Variants in RBMS3 observed in about 807,000 individuals in gnomAD.
RBMS3 encodes RNA-binding motif, single-stranded-interacting protein 3.
Under a neutral mutation model 66.8 loss-of-function variants are expected in RBMS3, and 27 were observed. The observed-to-expected ratio is 0.40, with a 90% CI of 0.30 to 0.56. The LOEUF (loss-of-function observed/expected upper bound fraction) is 0.56, where lower values mean the gene tolerates loss of function less well. Ranked by LOEUF, RBMS3 falls within the 20% of genes least tolerant of loss-of-function variation. RBMS3 has a pLI of 0.40. For missense variants in RBMS3, 513 were observed against 549.5 expected, an observed-to-expected ratio of 0.93 and a Z score of 0.66; for synonymous variants, 188 against 183.0, an observed-to-expected ratio of 1.03 and a Z score of -0.22.
intron 3 of RBMS3, among the ~76,000 whole-genome samples, chr3:29,495,713 C>T (rs372752545): frequency 1.1e-4 from 16 of 152,064 alleles, no homozygotes; most frequent in South Asian, 2.1e-4. Context: ...CCACTGCGCC[C>T]GGTCAGAAAT....
chr3:29,986,135 C>T (rs995036770), intron 12 of RBMS3, among the ~76,000 whole-genome samples: 4 of 151,958 alleles, frequency 2.6e-5, no homozygotes, highest in Non-Finnish European at 4.4e-5. Context: ...TGTCCTTTTA[C>T]TAGTATATAG....
intron 4 of RBMS3, among the ~76,000 whole-genome samples, chr3:29,655,165 G>A (rs1055479631): frequency 2.6e-5 from 4 of 152,146 alleles, no homozygotes; most frequent in Non-Finnish European, 4.4e-5. Context: ...AGATTAATGA[G>A]GTCATCTGGT....
chr3:29,864,851 A>T (rs1198667034), intron 6 of RBMS3, among the ~76,000 whole-genome samples: 62 of 135,934 alleles, frequency 4.6e-4, no homozygotes, highest in Non-Finnish European at 1.4e-4. Context: ...GGGAAGGGAA[A>T]GGGAAGGGGA....
At chr3:29,725,363 G>T (rs1302205652) in intron 4 of RBMS3, among the ~76,000 whole-genome samples, 2 of 152,086 alleles carry the variant, frequency 1.3e-5, no homozygotes, top group African/African-American at 4.8e-5. Context: ...AAACAACTAA[G>T]ATCACAGCAG....
intron 4 of RBMS3, among the ~76,000 whole-genome samples, chr3:29,692,161 T>C (rs1422902393): frequency 6.6e-6 from 1 of 151,806 alleles, no homozygotes; most frequent in Non-Finnish European, 1.5e-5. Flanking sequence ...TTTGTATTTT[T>C]AGTAGAGATG....
At chr3:29,639,929 A>T (rs538742585) in intron 4 of RBMS3, among the ~76,000 whole-genome samples, 2 of 151,910 alleles carry the variant, frequency 1.3e-5, no homozygotes, top group African/African-American at 2.4e-5. Flanking sequence ...GGGAGATATA[A>T]AAAAAAGAAG....
At chr3:29,531,814 T>C (rs2045360840) in intron 3 of RBMS3, among the ~76,000 whole-genome samples, 2 of 152,192 alleles carry the variant, frequency 1.3e-5, no homozygotes, top group South Asian at 2.1e-4. Context: ...GGAACAAAAA[T>C]AGAACTTGGA....
intron 12 of RBMS3, among the ~76,000 whole-genome samples, chr3:29,950,210 C>T (rs543268841): frequency 6.6e-6 from 1 of 151,820 alleles, no homozygotes; most frequent in Non-Finnish European, 1.5e-5. Context: ...CAGAGAAAAA[C>T]GACGCTTAGT....
At chr3:29,937,683 T>C (rs2061301775) in intron 11 of RBMS3, among the ~76,000 whole-genome samples, 1 of 152,012 alleles carries the variant, frequency 6.6e-6, no homozygotes, top group Non-Finnish European at 1.5e-5. Context: ...GTTTCTCACC[T>C]ACACTTTTAG....
intron 12 of RBMS3, among the ~76,000 whole-genome samples, chr3:29,959,272 C>G (rs1222348831): frequency 6.6e-6 from 1 of 152,040 alleles, no homozygotes; most frequent in Non-Finnish European, 1.5e-5. Flanking sequence ...TCCCACATCA[C>G]AGGATTCCAA....
At chr3:29,593,998 A>G (rs116716540) in intron 4 of RBMS3, among the ~76,000 whole-genome samples, 1,555 of 152,302 alleles carry the variant, frequency 0.01, 21 homozygotes, top group African/African-American at 0.036. Context: ...TGGTCAGGAA[A>G]AGCCTTTCTA....
At chr3:29,670,913 G>A (rs952609702) in intron 4 of RBMS3, among the ~76,000 whole-genome samples, 1 of 152,182 alleles carries the variant, frequency 6.6e-6, no homozygotes, top group Non-Finnish European at 1.5e-5. Context: ...GCTTCTCTGA[G>A]CACGGAGTTT....
At chr3:29,442,661 G>C (rs757806953) in intron 2 of RBMS3, among the ~76,000 whole-genome samples, 1 of 152,102 alleles carries the variant, frequency 6.6e-6, no homozygotes, top group Non-Finnish European at 1.5e-5. Context: ...AGGGACTTGA[G>C]TTTTAAGGGC....
intron 3 of RBMS3, among the ~76,000 whole-genome samples, chr3:29,506,526 C>T (rs1037741392): frequency 4.6e-5 from 7 of 151,960 alleles, no homozygotes; most frequent in African/African-American, 1.2e-4. Context: ...CAGGGATATT[C>T]GCCTGTAATA....
intron 1 of RBMS3, among the ~76,000 whole-genome samples, chr3:29,372,102 T>A (rs1398918528): frequency 6.6e-6 from 1 of 152,076 alleles, no homozygotes; most frequent in Non-Finnish European, 1.5e-5. Context: ...AAGCTTCCAA[T>A]GATTGCCGTT....
chr3:29,678,771 A>AG (rs894401521), intron 4 of RBMS3, among the ~76,000 whole-genome samples: 1 of 152,122 alleles, frequency 6.6e-6, no homozygotes, highest in Non-Finnish European at 1.5e-5. Context: ...GGATTCTTGA[A>AG]GGGGGAAGAA....
At chr3:29,542,997 A>G (rs1371126262) in intron 3 of RBMS3, among the ~76,000 whole-genome samples, 1 of 152,234 alleles carries the variant, frequency 6.6e-6, no homozygotes, top group Non-Finnish European at 1.5e-5. Flanking sequence ...AACATGGGTT[A>G]TAGTCACTGT....
chr3:29,631,658 A>G (rs577966305), intron 4 of RBMS3, among the ~76,000 whole-genome samples: 1 of 151,886 alleles, frequency 6.6e-6, no homozygotes, highest in Non-Finnish European at 1.5e-5. Context: ...GCTGATGCTT[A>G]TTGATTCATT....
intron 4 of RBMS3, among the ~76,000 whole-genome samples, chr3:29,602,858 A>G (rs998113202): frequency 2.0e-5 from 3 of 151,978 alleles, no homozygotes; most frequent in African/African-American, 7.2e-5. Flanking sequence ...GAGTATCCAG[A>G]TATCAGGACA....
Sources: gnomAD v4.1 joint callset for allele counts (sites outside exome capture counted in the v4.1 genomes callset) on GRCh38, gnomAD v4.1.1 for gene constraint, MANE v1.5 for transcripts, NCBI Gene and HGNC (gene_info 2026-07-23, HGNC 2026-07-21) for gene names.